PCGF5: variants seen among roughly 807,000 people sequenced by gnomAD.
PCGF5 encodes the protein polycomb group RING finger protein 5.
Under a neutral mutation model 44.3 loss-of-function variants are expected in PCGF5, and 9 were observed. That is an observed-to-expected ratio of 0.20 (90% CI 0.12 to 0.35). PCGF5 has a LOEUF of 0.35. PCGF5 is among the 10% of genes least tolerant of loss of function. The pLI, the probability that PCGF5 is intolerant of heterozygous loss-of-function variation, is 1.00. For missense variants in PCGF5, 146 were observed against 305.3 expected, an observed-to-expected ratio of 0.48 and a Z score of 3.89; for synonymous variants, 95 against 102.5, an observed-to-expected ratio of 0.93 and a Z score of 0.44.
intron 9 of PCGF5, among the ~76,000 whole-genome samples, chr10:91,277,056 T>C (rs1349196770): frequency 6.6e-6 from 1 of 152,202 alleles, no homozygotes; most frequent in Non-Finnish European, 1.5e-5. Flanking sequence ...AGAGACTGTC[T>C]TGAGACTTTT....
intron 6 of PCGF5, among the ~76,000 whole-genome samples, chr10:91,259,427 G>A (rs1845838308): frequency 6.6e-6 from 1 of 152,092 alleles, no homozygotes; most frequent in Admixed American, 6.6e-5. Flanking sequence ...TGTCCCTCAT[G>A]TTTCAGAAGT....
At chr10:91,187,521 T>TA (rs766132214) in intron 1 of PCGF5, among the ~76,000 whole-genome samples, 111 of 151,532 alleles carry the variant, frequency 7.3e-4, no homozygotes, top group Non-Finnish European at 1.2e-3. Context: ...GTCTTTTCAT[T>TA]AAAAAAAACA....
intron 7 of PCGF5, among the ~76,000 whole-genome samples, chr10:91,262,127 A>G (rs756710283): frequency 3.9e-5 from 6 of 152,192 alleles, no homozygotes; most frequent in Non-Finnish European, 8.8e-5. Context: ...AGTAGCATCT[A>G]GAAAATTAAA....
intron 6 of PCGF5, among the ~76,000 whole-genome samples, chr10:91,252,363 ACAATTT>A (rs1845641263): frequency 6.6e-6 from 1 of 151,978 alleles, no homozygotes; most frequent in Non-Finnish European, 1.5e-5. Context: ...GAAGTGAAAA[ACAATTT>A]TTCACTTCAG....
chr10:91,237,215 A>G (rs888879056), intron 2 of PCGF5, among the ~76,000 whole-genome samples: 1 of 152,198 alleles, frequency 6.6e-6, no homozygotes, highest in Non-Finnish European at 1.5e-5. Flanking sequence ...GTTGATTAGG[A>G]CATACATGGA....
At chr10:91,169,726 A>C (rs1843570089) in intron 1 of PCGF5, among the ~76,000 whole-genome samples, 1 of 152,228 alleles carries the variant, frequency 6.6e-6, no homozygotes, top group Non-Finnish European at 1.5e-5. Flanking sequence ...ATTTAATGTA[A>C]TGTCAATCAA....
At chr10:91,176,279 A>C (rs1274039009) in intron 1 of PCGF5, among the ~76,000 whole-genome samples, 2 of 152,154 alleles carry the variant, frequency 1.3e-5, no homozygotes, top group African/African-American at 4.8e-5. Flanking sequence ...CCGAGAGATC[A>C]GCTGTTAGTC....
At position 91,281,768 on chromosome 10, in the gene PCGF5, A is replaced by G. The variant is rs939347453; in HGVS notation, c.*3452A>G. On this transcript the variant is annotated 3_prime_UTR_variant, in exon 10 of 10. Transcript: ENST00000336126. ...TAAACTGAATTTTCTTGGTGAGATC[A>G]GTCAAATGCAGGCTTTTCTTGCAAT... is the stretch of plus-strand genomic sequence containing the variant. The G allele has an allele frequency of 2.0e-5, 3 of 152,358 alleles. No homozygotes were observed. The highest frequency in any genetic ancestry group is 7.2e-5 in the African/African-American group (3 of 41,466). The allele number at this position is 152,358 out of a possible 1,614,324, so 9.4% of individuals were successfully genotyped here. A position where few individuals can be genotyped will look rare whatever the true frequency, so the allele number is the denominator to read the frequency against.
At chr10:91,197,907 A>T (rs1844169274) in intron 1 of PCGF5, among the ~76,000 whole-genome samples, 1 of 152,204 alleles carries the variant, frequency 6.6e-6, no homozygotes, top group African/African-American at 2.4e-5. Flanking sequence ...GCCATTTAGG[A>T]AAGAGTTCTC....
Position 91,278,505 on chromosome 10 carries a change from T to C in PCGF5, c.*189T>C, listed in dbSNP as rs1846372058. On this transcript the variant is annotated 3_prime_UTR_variant, in exon 10 of 10. Coordinates refer to ENST00000336126, the MANE Select transcript of PCGF5 (RefSeq NM_032373.5). Reference sequence around the variant, plus strand: ...TCTATTAGGAGCAAACCAAGTGCCATTCTGCTACTGAACCATCTGCATAAG... The same window carrying C: ...TCTATTAGGAGCAAACCAAGTGCCACTCTGCTACTGAACCATCTGCATAAG... The C allele has an allele frequency of 1.7e-6, 1 of 599,190 alleles. No homozygotes were observed. Among genetic ancestry groups the C allele is most frequent in the South Asian group, 2.1e-5 (1 of 48,044 alleles). 37.1% of individuals were successfully genotyped at this position (599,190 alleles called of 1,614,324 possible).
At chr10:91,169,100 C>A (rs771554197) in intron 1 of PCGF5, among the ~76,000 whole-genome samples, 3 of 152,116 alleles carry the variant, frequency 2.0e-5, no homozygotes, top group Non-Finnish European at 4.4e-5. Context: ...GGTAACCATA[C>A]ATGCAATTGC....
At chr10:91,248,800 T>C in intron 5 of PCGF5, 76 bp downstream of exon 5, 1 of 1,219,814 alleles carries the variant, frequency 8.2e-7, no homozygotes, top group Non-Finnish European at 1.2e-6. Flanking sequence ...TGAACTAATA[T>C]GTCTCTTCAG....
At chr10:91,180,847 C>T (rs1029560929) in intron 1 of PCGF5, among the ~76,000 whole-genome samples, 1 of 152,078 alleles carries the variant, frequency 6.6e-6, no homozygotes, top group Non-Finnish European at 1.5e-5. Context: ...TTTTTTGGTT[C>T]CATGTGAATT....
At chr10:91,163,779 G>C (rs1843440905) in intron 1 of PCGF5, among the ~76,000 whole-genome samples, 1 of 150,550 alleles carries the variant, frequency 6.6e-6, no homozygotes, top group African/African-American at 2.4e-5. Context: ...GACCCGGCGG[G>C]ACCCACCTGT....
intron 2 of PCGF5, among the ~76,000 whole-genome samples, chr10:91,238,687 C>T (rs898157751): frequency 1.5e-5 from 2 of 129,554 alleles, no homozygotes; most frequent in African/African-American, 5.6e-5. Flanking sequence ...AGAGCAAATA[C>T]CAGCAATGTT....
chr10:91,224,150 T>C (rs1298144708), intron 2 of PCGF5, among the ~76,000 whole-genome samples: 1 of 152,228 alleles, frequency 6.6e-6, no homozygotes, highest in Non-Finnish European at 1.5e-5. Flanking sequence ...TATTTAAGCA[T>C]ACGCATGCTC....
chr10:91,244,650 A>G (rs146428084), intron 3 of PCGF5, among the ~76,000 whole-genome samples: 38 of 152,308 alleles, frequency 2.5e-4, no homozygotes, highest in African/African-American at 8.7e-4. Flanking sequence ...AGTAATTGCA[A>G]TGACCCTGGT....
chr10:91,212,507 AGTTTG>A (rs1446375962), intron 1 of PCGF5, among the ~76,000 whole-genome samples: 1 of 152,208 alleles, frequency 6.6e-6, no homozygotes, highest in African/African-American at 2.4e-5. Flanking sequence ...AGTAGCTGGA[AGTTTG>A]GTTTGCTTTT....
upstream of PCGF5, among the ~76,000 whole-genome samples, chr10:91,162,045 G>T (rs186651948): frequency 1.0e-3 from 156 of 152,148 alleles, 1 homozygote; most frequent in African/African-American, 3.5e-3. Flanking sequence ...GTCCAACAAA[G>T]TTTGACAGGT....
Sources: gnomAD v4.1 joint callset for allele counts (sites outside exome capture counted in the v4.1 genomes callset) on GRCh38, gnomAD v4.1.1 for gene constraint, MANE v1.5 for transcripts, NCBI Gene and HGNC (gene_info 2026-07-23, HGNC 2026-07-21) for gene names.